Variants in COL24A1 observed in about 807,000 individuals in gnomAD.
COL24A1 encodes the protein collagen type XXIV alpha 1 chain, also known as collagen alpha-1(XXIV) chain.
COL24A1 carries 224 observed loss-of-function variants against 253.9 expected under a neutral mutation model. That is an observed-to-expected ratio of 0.88 (90% confidence interval 0.79 to 0.99). The LOEUF (loss-of-function observed/expected upper bound fraction) is 0.99, where lower values mean the gene tolerates loss of function less well. Ranked by LOEUF, COL24A1 falls within the 50% of genes least tolerant of loss-of-function variation. COL24A1 has a pLI of 0.00. For missense variants in COL24A1, 2,131 were observed against 2,068.5 expected (o/e 1.03, Z -0.59); for synonymous variants, 685 against 673.7 (o/e 1.02, Z -0.26).
chr1:85,847,608 G>T (rs878934196), intron 39 of COL24A1, 57 bp downstream of exon 39: 1 of 1,224,146 alleles, frequency 8.2e-7, no homozygotes, highest in East Asian at 2.3e-5. Flanking sequence ...TAAGGGCATG[G>T]ATACGTTTCT....
At chr1:85,934,198 T>C (rs1688056716) in intron 24 of COL24A1, among the ~76,000 whole-genome samples, 3 of 152,194 alleles carry the variant, frequency 2.0e-5, no homozygotes, top group Non-Finnish European at 4.4e-5. Flanking sequence ...GCAGTGCCTT[T>C]ATGATCTAGC....
intron 24 of COL24A1, among the ~76,000 whole-genome samples, chr1:85,958,953 C>T (rs556708829): frequency 1.3e-5 from 2 of 152,244 alleles, no homozygotes; most frequent in Non-Finnish European, 2.9e-5. Context: ...GTGCTTCACA[C>T]ACTCTATCAC....
At chr1:86,121,901 A>C (rs913633907) in intron 3 of COL24A1, among the ~76,000 whole-genome samples, 1 of 152,118 alleles carries the variant, frequency 6.6e-6, no homozygotes, top group Non-Finnish European at 1.5e-5. Context: ...AGAACCTAAT[A>C]GGTTTAAAGA....
chr1:85,891,217 ATTTTTTTTT>A (rs138122213), intron 31 of COL24A1, among the ~76,000 whole-genome samples: 2 of 127,108 alleles, frequency 1.6e-5, no homozygotes, highest in Non-Finnish European at 1.7e-5. Flanking sequence ...CGCCCGGCTA[ATTTTTTTTT>A]TTTTTTTTTT....
intron 32 of COL24A1, among the ~76,000 whole-genome samples, chr1:85,883,020 T>A (rs1462111160): frequency 1.3e-5 from 2 of 152,228 alleles, no homozygotes; most frequent in Non-Finnish European, 2.9e-5. Context: ...CTATTCACTT[T>A]GGCAATCTCT....
chr1:85,732,253 C>T (rs1366676972), intron 59 of COL24A1, among the ~76,000 whole-genome samples: 2 of 142,766 alleles, frequency 1.4e-5, no homozygotes, highest in South Asian at 2.2e-4. Context: ...TTTTTTGAGA[C>T]GGAGTCTCAC....
At chr1:86,138,816 C>T (rs1650636346) in intron 2 of COL24A1, among the ~76,000 whole-genome samples, 1 of 151,938 alleles carries the variant, frequency 6.6e-6, no homozygotes, top group Non-Finnish European at 1.5e-5. Flanking sequence ...TGTACTCTTC[C>T]TTGAATTTCT....
intron 53 of COL24A1, among the ~76,000 whole-genome samples, chr1:85,764,957 C>T (rs1214356504): frequency 6.6e-6 from 1 of 151,984 alleles, no homozygotes; most frequent in Non-Finnish European, 1.5e-5. Context: ...CACAAGCATA[C>T]AGATTGGGAA....
chr1:86,129,381 A>G (rs1267984981), intron 2 of COL24A1, among the ~76,000 whole-genome samples: 1 of 151,402 alleles, frequency 6.6e-6, no homozygotes, highest in Non-Finnish European at 1.5e-5. Flanking sequence ...AGATTTATTT[A>G]TCTACTATTT....
At chr1:85,977,893 A>G (rs995360694) in intron 20 of COL24A1, among the ~76,000 whole-genome samples, 1 of 152,196 alleles carries the variant, frequency 6.6e-6, no homozygotes. Context: ...TGGGAAATTC[A>G]TCACAAAAAG....
At chr1:85,943,895 G>T (rs1427830059) in intron 24 of COL24A1, among the ~76,000 whole-genome samples, 3 of 152,160 alleles carry the variant, frequency 2.0e-5, no homozygotes, top group Non-Finnish European at 4.4e-5. Context: ...ATTATGAAAA[G>T]ACTTTTAGAA....
chr1:86,040,199 A>G (rs1699354428), intron 12 of COL24A1, among the ~76,000 whole-genome samples: 1 of 151,892 alleles, frequency 6.6e-6, no homozygotes, highest in South Asian at 2.1e-4. Flanking sequence ...TATTCTTGCC[A>G]TTTGCCCTCC....
intron 32 of COL24A1, 30 bp downstream of exon 32, chr1:85,889,530 A>C: frequency 1.3e-6 from 2 of 1,580,704 alleles, no homozygotes; most frequent in Non-Finnish European, 1.7e-6. Flanking sequence ...TGAGAAAGAC[A>C]CAATTAGAAA....
chr1:85,825,524 G>A (rs1159396755), intron 43 of COL24A1, among the ~76,000 whole-genome samples: 4 of 152,106 alleles, frequency 2.6e-5, no homozygotes, highest in Non-Finnish European at 5.9e-5. Context: ...GGTTGAACTA[G>A]TTTACAGTCC....
chr1:85,814,566 C>T (rs1048897685), intron 47 of COL24A1, among the ~76,000 whole-genome samples: 1 of 152,148 alleles, frequency 6.6e-6, no homozygotes, highest in Non-Finnish European at 1.5e-5. Flanking sequence ...TGAAACTGGG[C>T]CCTAGCAGGT....
intron 32 of COL24A1, among the ~76,000 whole-genome samples, chr1:85,882,202 G>A (rs1340528912): frequency 1.3e-5 from 2 of 152,134 alleles, no homozygotes; most frequent in Non-Finnish European, 2.9e-5. Context: ...TGTTGGCCGG[G>A]CGCAGTGGCT....
At chr1:85,981,859 A>G (rs1693286207) in intron 20 of COL24A1, among the ~76,000 whole-genome samples, 1 of 152,178 alleles carries the variant, frequency 6.6e-6, no homozygotes, top group Non-Finnish European at 1.5e-5. Flanking sequence ...TCATCAAAGC[A>G]ACTGAAAACA....
chr1:86,033,452 A>G (rs1698748464), intron 13 of COL24A1, among the ~76,000 whole-genome samples: 1 of 152,164 alleles, frequency 6.6e-6, no homozygotes, highest in Non-Finnish European at 1.5e-5. Flanking sequence ...GAACATTGAC[A>G]GCTAAATAAT....
intron 28 of COL24A1, among the ~76,000 whole-genome samples, chr1:85,903,455 C>T (rs2102865249): frequency 6.6e-6 from 1 of 152,224 alleles, no homozygotes; most frequent in Non-Finnish European, 1.5e-5. Flanking sequence ...AGCTTTACGA[C>T]AGGCTGTAAG....
Sources: allele counts gnomAD v4.1 joint callset (sites outside exome capture counted in the v4.1 genomes callset), GRCh38; gene constraint gnomAD v4.1.1; transcripts MANE v1.5; gene names NCBI Gene and HGNC (gene_info 2026-07-23, HGNC 2026-07-21).